The following QTMAN variants were observed in gnomAD, a reference collection of about 807,000 sequenced individuals.
QTMAN encodes the protein queuosine-tRNA mannosyltransferase, also known as tRNA-queuosine alpha-mannosyltransferase.
the QTMAN span, among the ~76,000 whole-genome samples, chr2:144,051,589 T>C: frequency 6.6e-6 from 1 of 152,080 alleles, no homozygotes; most frequent in Non-Finnish European, 1.5e-5. Context: ...GAATAGAGCA[T>C]GAGAGTTGCA....
chr2:144,164,605 A>T, the QTMAN span, among the ~76,000 whole-genome samples: 1 of 152,132 alleles, frequency 6.6e-6, no homozygotes, highest in Admixed American at 6.6e-5. Context: ...ATTACTCCAG[A>T]TCTTTACGCA....
the QTMAN span, among the ~76,000 whole-genome samples, chr2:144,193,200 A>G: frequency 1.3e-5 from 2 of 151,984 alleles, no homozygotes. Flanking sequence ...ACCACTTTCC[A>G]TATTATCTTT....
chr2:144,007,723 C>T, the QTMAN span, among the ~76,000 whole-genome samples: 2 of 152,158 alleles, frequency 1.3e-5, no homozygotes, highest in East Asian at 3.9e-4. Context: ...TGAAATTGGA[C>T]TGGGCTGTCT....
chr2:144,291,504 T>C, the QTMAN span, among the ~76,000 whole-genome samples: 560 of 152,352 alleles, frequency 3.7e-3, 2 homozygotes, highest in African/African-American at 0.013. Flanking sequence ...TTCAGCTCTG[T>C]GCTCATATGT....
chr2:144,113,841 G>T, the QTMAN span, among the ~76,000 whole-genome samples: 1 of 152,160 alleles, frequency 6.6e-6, no homozygotes, highest in East Asian at 1.9e-4. Context: ...AATTTTATCT[G>T]CCTCACTTTT....
chr2:144,009,380 T>C, the QTMAN span, among the ~76,000 whole-genome samples: 24 of 152,074 alleles, frequency 1.6e-4, no homozygotes, highest in African/African-American at 5.5e-4. Flanking sequence ...GGGCGTTAAA[T>C]AGGGCTGAAA....
At chr2:144,047,848 G>A in the QTMAN span, among the ~76,000 whole-genome samples, 1 of 152,064 alleles carries the variant, frequency 6.6e-6, no homozygotes, top group African/African-American at 2.4e-5. Context: ...ATCAAGAGAT[G>A]GAAAAACAAC....
the QTMAN span, among the ~76,000 whole-genome samples, chr2:144,202,251 G>A: frequency 1.3e-5 from 2 of 152,170 alleles, no homozygotes; most frequent in Admixed American, 1.3e-4. Context: ...GGGCAACAGA[G>A]TATCTGCATC....
chr2:143,997,923 A>T, the QTMAN span, among the ~76,000 whole-genome samples: 1 of 152,118 alleles, frequency 6.6e-6, no homozygotes, highest in Admixed American at 6.6e-5. Context: ...GTAGCTGTCC[A>T]GGACTTAATT....
chr2:144,250,878 TTA>T, the QTMAN span, among the ~76,000 whole-genome samples: 1 of 152,040 alleles, frequency 6.6e-6, no homozygotes, highest in Non-Finnish European at 1.5e-5. Flanking sequence ...AGAAAAGTAG[TTA>T]TCTTTTCTTT....
the QTMAN span, among the ~76,000 whole-genome samples, chr2:144,319,162 C>T: frequency 1.1e-3 from 166 of 152,194 alleles, no homozygotes; most frequent in Non-Finnish European, 1.6e-3. Context: ...ACACTAACAC[C>T]ATACAGTGTG....
chr2:144,221,245 A>G, the QTMAN span, among the ~76,000 whole-genome samples: 4 of 152,316 alleles, frequency 2.6e-5, no homozygotes, highest in South Asian at 6.2e-4. Flanking sequence ...AAAACTATGC[A>G]TATCTTTTGA....
the QTMAN span, among the ~76,000 whole-genome samples, chr2:144,320,717 T>C: frequency 4.7e-4 from 71 of 152,290 alleles, 1 homozygote; most frequent in Non-Finnish European, 7.4e-4. Context: ...CAAAGACATG[T>C]GGGCAAGGGG....
At chr2:144,254,510 G>T in the QTMAN span, among the ~76,000 whole-genome samples, 1 of 152,236 alleles carries the variant, frequency 6.6e-6, no homozygotes, top group Non-Finnish European at 1.5e-5. Context: ...ACACCTGGAT[G>T]TCCAGGCAGA....
the QTMAN span, among the ~76,000 whole-genome samples, chr2:144,200,583 C>T: frequency 2.0e-5 from 3 of 152,094 alleles, no homozygotes; most frequent in Non-Finnish European, 4.4e-5. Flanking sequence ...TGTGTTGGGC[C>T]GCATTCAAAG....
At chr2:144,122,495 A>G in the QTMAN span, among the ~76,000 whole-genome samples, 5 of 152,170 alleles carry the variant, frequency 3.3e-5, no homozygotes, top group Admixed American at 6.5e-5. Flanking sequence ...GGTGTTTTAC[A>G]TCTTTCTTCA....
At chr2:144,133,234 T>C in the QTMAN span, among the ~76,000 whole-genome samples, 16 of 60,890 alleles carry the variant, frequency 2.6e-4, no homozygotes, top group South Asian at 6.1e-3. Context: ...TATATATTTA[T>C]ATTTATATAT....
the QTMAN span, among the ~76,000 whole-genome samples, chr2:144,310,711 G>C: frequency 6.6e-6 from 1 of 152,196 alleles, no homozygotes; most frequent in Non-Finnish European, 1.5e-5. Flanking sequence ...AGAAAAAGAA[G>C]AGTCAGGGAT....
the QTMAN span, among the ~76,000 whole-genome samples, chr2:143,988,657 T>G: frequency 6.6e-6 from 1 of 152,228 alleles, no homozygotes; most frequent in East Asian, 1.9e-4. Context: ...GGTGAGCAAC[T>G]TGCCTACACT....
Sources: gnomAD v4.1 joint callset for allele counts (sites outside exome capture counted in the v4.1 genomes callset) on GRCh38, gnomAD v4.1.1 for gene constraint, MANE v1.5 for transcripts, NCBI Gene and HGNC (gene_info 2026-07-23, HGNC 2026-07-21) for gene names.